The following DPCD variants were observed in gnomAD, a reference collection of about 807,000 sequenced individuals.
The protein encoded by DPCD is deleted in primary ciliary dyskinesia homolog (mouse).
In DPCD, 20 loss-of-function variants were observed where a neutral mutation model predicts 26.4. The observed-to-expected ratio is 0.76, with a 90% CI of 0.53 to 1.10. The LOEUF (loss-of-function observed/expected upper bound fraction) is 1.10, where lower values mean the gene tolerates loss of function less well. Among genes scored for constraint, DPCD ranks in the 50% least tolerant of loss-of-function variants. The pLI, the probability that DPCD is intolerant of heterozygous loss-of-function variation, is 0.00. For synonymous variants in DPCD, 97 were observed against 94.2 expected (o/e 1.03, Z -0.17); for missense variants, 202 against 253.9 (o/e 0.80, Z 1.39).
At chr10:101,588,947 C>A (rs1051320404) in intron 1 of DPCD, among the ~76,000 whole-genome samples, 7 of 152,200 alleles carry the variant, frequency 4.6e-5, no homozygotes, top group Non-Finnish European at 8.8e-5. Context: ...TAAATATTTT[C>A]TGTGTCTTTA....
At position 101,594,648 on chromosome 10, in the gene DPCD, T is replaced by C; in HGVS notation, c.65-10T>C. ...ACTTTGAGGTAAGGCATTCTCTGTT[T>C]TGTGCATAGGGAGAAGGAAGGTTCA... On this transcript the variant is annotated splice_polypyrimidine_tract_variant and intron_variant, in intron 1 of 5. Transcript: ENST00000370151. 2.5e-6 allele frequency: 4 copies of C among 1,613,936 alleles called. No homozygotes were observed. The highest frequency in any genetic ancestry group is 3.4e-6 in the Non-Finnish European group (4 of 1,179,814).
chr10:101,595,371 C>T (rs958444006), intron 2 of DPCD, among the ~76,000 whole-genome samples: 4 of 152,152 alleles, frequency 2.6e-5, no homozygotes, highest in Non-Finnish European at 5.9e-5. Context: ...CAGGTGTGCA[C>T]ATCAGCATTA....
chr10:101,602,036 C>G (rs899767785), intron 4 of DPCD, among the ~76,000 whole-genome samples: 3 of 152,188 alleles, frequency 2.0e-5, no homozygotes, highest in African/African-American at 7.2e-5. Flanking sequence ...GGAGCCCTGA[C>G]TGATCACAGG....
rs1274891517 is a variant in DPCD at position 101,603,985 on chromosome 10, G to A, written c.404+2649G>A. ...TGCCCAAGCTGCTCTCAAAATCCTG[G>A]GCTCAAGTGATCCTCCTGCCTTGGC... On this transcript the variant is annotated intron_variant, in intron 4 of 5. Coordinates refer to ENST00000370151, the MANE Select transcript of DPCD (RefSeq NM_015448.3). This position sits in a 1 kb window ranked among gnomAD's most constrained non-coding sequence, Gnocchi z 4.6. Among the ~76,000 whole-genome samples the A allele has an allele frequency of 6.6e-6, 1 of 152,086 alleles. No individual in the cohort carries two copies. The highest frequency in any genetic ancestry group is 2.4e-5 in the African/African-American group (1 of 41,422).
At chr10:101,601,382 T>C (rs761739077) in intron 4 of DPCD, 46 bp downstream of exon 4, 4 of 1,602,598 alleles carry the variant, frequency 2.5e-6, no homozygotes, top group Non-Finnish European at 2.6e-6. Context: ...ATGAGCGGGG[T>C]GTAGGGTGGG....
intron 4 of DPCD, among the ~76,000 whole-genome samples, chr10:101,604,835 C>T (rs1243706714): frequency 2.0e-5 from 3 of 152,278 alleles, no homozygotes; most frequent in East Asian, 1.9e-4. Flanking sequence ...GCCAGCACAA[C>T]GGCTGGCCTG....
At chr10:101,599,857 G>T (rs1390334323) in intron 2 of DPCD, among the ~76,000 whole-genome samples, 2 of 152,212 alleles carry the variant, frequency 1.3e-5, no homozygotes, top group African/African-American at 4.8e-5. Context: ...TCCAAATGCA[G>T]CAGGAAGGGA....
intron 4 of DPCD, chr10:101,605,001 G>T (rs576698081): frequency 7.8e-7 from 1 of 1,281,466 alleles, no homozygotes. Context: ...GATTAAACAG[G>T]CTTCTCTTTG....
At chr10:101,588,578 T>C in intron 1 of DPCD, 178 bp downstream of exon 1, 1 of 1,430,886 alleles carries the variant, frequency 7.0e-7, no homozygotes, top group Non-Finnish European at 9.1e-7. Flanking sequence ...CTGGAACACA[T>C]GTCTCCGGAC....
At chr10:101,597,771 C>G (rs1370602278) in intron 2 of DPCD, among the ~76,000 whole-genome samples, 16 of 152,120 alleles carry the variant, frequency 1.1e-4, no homozygotes, top group Admixed American at 1.0e-3. Context: ...CTTCTGTTGC[C>G]GCAGGAGCCG....
At chr10:101,608,253 G>A (rs181101396) in intron 4 of DPCD, among the ~76,000 whole-genome samples, 7 of 152,246 alleles carry the variant, frequency 4.6e-5, no homozygotes, top group African/African-American at 1.7e-4. Context: ...AACATGGTTC[G>A]TCCTCTCAAA....
intron 2 of DPCD, among the ~76,000 whole-genome samples, chr10:101,597,097 A>G (rs756341930): frequency 1.3e-5 from 2 of 152,232 alleles, no homozygotes; most frequent in African/African-American, 2.4e-5. Flanking sequence ...TGATCGGAAC[A>G]TCAAACCAGC....
Position 101,603,734 on chromosome 10 carries a change from G to T in DPCD, c.404+2398G>T, listed in dbSNP as rs980079431. Among the ~76,000 whole-genome samples the T allele has an allele frequency of 6.6e-6, 1 of 150,826 alleles. No individual in the cohort carries two copies. The highest frequency in any genetic ancestry group is 2.1e-4 in the South Asian group (1 of 4,774). On this transcript the variant is annotated intron_variant, in intron 4 of 5. Transcript: ENST00000370151. This position sits in a 1 kb window ranked among gnomAD's most constrained non-coding sequence, Gnocchi z 4.6. ...ATCATGCCATTGCACTCCAGCCTGGGTGACAGAGTGAGACTCCATCTCAAA... is the reference window on the plus strand; with the variant it reads ...ATCATGCCATTGCACTCCAGCCTGGTTGACAGAGTGAGACTCCATCTCAAA...
At chr10:101,598,813 G>A (rs2063672500) in intron 2 of DPCD, among the ~76,000 whole-genome samples, 4 of 152,014 alleles carry the variant, frequency 2.6e-5, no homozygotes, top group South Asian at 2.1e-4. Context: ...TAGTAGAGAC[G>A]GGGTTTCTCC....
At chr10:101,607,699 C>T (rs1361561050) in intron 4 of DPCD, among the ~76,000 whole-genome samples, 2 of 151,792 alleles carry the variant, frequency 1.3e-5, no homozygotes, top group Non-Finnish European at 2.9e-5. Context: ...TACTAAAAGC[C>T]CCATCCTCCC....
rs1217127812 is a variant in DPCD at position 101,600,737 on chromosome 10, G to T, written c.146-1G>T. On this transcript the variant is annotated splice_acceptor_variant, in intron 2 of 5. Coordinates refer to ENST00000370151, the MANE Select transcript of DPCD (RefSeq NM_015448.3). LOFTEE classifies it high-confidence loss of function. This position sits in a 1 kb window ranked among gnomAD's most constrained non-coding sequence, Gnocchi z 4.7. ...ATCCCGATGCTTGCTTCTCTCCCCA[G>T]TGAGAAAGTGGCGTGTGAAAAGTGC... 1 of 1,612,166 alleles carries T rather than the reference G, an allele frequency of 6.2e-7. No individual in the cohort carries two copies. The highest frequency in any genetic ancestry group is 2.2e-5 in the East Asian group (1 of 44,866).
intron 5 of DPCD, 106 bp downstream of exon 5, chr10:101,609,043 G>C (rs190904210): frequency 2.5e-5 from 25 of 982,086 alleles, no homozygotes; most frequent in Admixed American, 1.6e-4. Flanking sequence ...CCAAGCCCTA[G>C]GGTATGCTTG....
chr10:101,601,143 A>G (rs2063694847), intron 3 of DPCD, 60 bp from the exon 4 acceptor site: 2 of 1,607,136 alleles, frequency 1.2e-6, no homozygotes, highest in East Asian at 4.5e-5. Context: ...TAGCGCTCTG[A>G]TGAGGGTGGA....
rs141798932 is a variant in DPCD at position 101,592,889 on chromosome 10, C to T, written c.65-1769C>T. Among the ~76,000 whole-genome samples the T allele has an allele frequency of 6.9e-3, 1,045 of 150,934 alleles. 13 individuals are homozygous for T. Among genetic ancestry groups the T allele is most frequent in the African/African-American group, 0.024 (1,004 of 41,014 alleles). On this transcript the variant is annotated intron_variant, in intron 1 of 5. Transcript: ENST00000370151. ...ATTAGCTGGGTGTGGTAGCATTCAC[C>T]TGTAGTCCCAGCTACTCAGGAGGCT... is the stretch of plus-strand genomic sequence containing the variant.
Sources: gnomAD v4.1 joint callset for allele counts (sites outside exome capture counted in the v4.1 genomes callset) on GRCh38, gnomAD v4.1.1 for gene constraint, Gnocchi (gnomAD v3.1) non-coding constraint, MANE v1.5 for transcripts, NCBI Gene and HGNC (gene_info 2026-07-23, HGNC 2026-07-21) for gene names.